AFF2: variants seen among roughly 807,000 people sequenced by gnomAD.
AFF2 encodes AF4/FMR2 family member 2.
AFF2 carries 14 observed loss-of-function variants against 76.9 expected under a neutral mutation model. The ratio of observed to expected loss-of-function variants is 0.18; its 90% CI spans 0.12 to 0.28. The LOEUF is 0.28. Ranked by LOEUF, AFF2 falls within the 10% of genes least tolerant of loss-of-function variation. The probability of loss-of-function intolerance (pLI) is 1.00; values close to 1 mark genes in which losing one functional copy is unlikely to be tolerated. For synonymous variants in AFF2, 398 were observed against 366.7 expected (o/e 1.09, Z -0.98); for missense variants, 868 against 1,001.1 (o/e 0.87, Z 1.79).
At chrX:148,847,009 T>G (rs2017019) in intron 7 of AFF2, among the ~76,000 whole-genome samples, 1,275 of 111,417 alleles carry the variant, frequency 0.011, 15 homozygotes, top group African/African-American at 0.04. Context: ...CACGCCATTC[T>G]CCTGCCTCAG....
At chrX:148,893,516 A>G (rs1298724729) in intron 8 of AFF2, among the ~76,000 whole-genome samples, 1 of 112,328 alleles carries the variant, frequency 8.9e-6, no homozygotes, top group East Asian at 2.8e-4. Context: ...TAATGACCAA[A>G]TACTGGCTAG....
At chrX:148,826,966 G>A (rs186749137) in intron 4 of AFF2, among the ~76,000 whole-genome samples, 7 of 110,965 alleles carry the variant, frequency 6.3e-5, no homozygotes, top group Admixed American at 5.8e-4. Flanking sequence ...CTGTGGATGG[G>A]GGGCGGGAGA....
intron 1 of AFF2, among the ~76,000 whole-genome samples, chrX:148,584,374 AG>A (rs1266458202): frequency 9.0e-6 from 1 of 111,476 alleles, no homozygotes; most frequent in Non-Finnish European, 1.9e-5. Flanking sequence ...AAATGGTGGC[AG>A]AGTATGTCCA....
chrX:148,732,488 G>A (rs1557264751), intron 3 of AFF2, among the ~76,000 whole-genome samples: 2 of 91,472 alleles, frequency 2.2e-5, no homozygotes, highest in African/African-American at 8.3e-5. Context: ...TGACGAGTTA[G>A]TGGGTGCAGC....
chrX:148,804,351 C>T lies in AFF2; in HGVS notation c.1042-5525C>T, dbSNP rs12013129. On this transcript the variant is annotated intron_variant, in intron 3 of 20. Transcript: ENST00000370460. ...CTCAAAGACCAGGCTCTTTCCACTG[C>T]CCCTTGGAGCCCCCAGAAAACACAG... Among the ~76,000 whole-genome samples the T allele has an allele frequency of 6.7e-4, 75 of 112,022 alleles. 1 individual carries two copies. Among genetic ancestry groups the T allele is most frequent in the African/African-American group, 2.3e-3 (72 of 30,858 alleles).
At chrX:148,796,675 G>A (rs2069987231) in intron 3 of AFF2, among the ~76,000 whole-genome samples, 1 of 112,441 alleles carries the variant, frequency 8.9e-6, no homozygotes, top group Non-Finnish European at 1.9e-5. Context: ...TGGCCTGACA[G>A]TTGAAAAGGT....
intron 19 of AFF2, among the ~76,000 whole-genome samples, chrX:148,982,956 A>G (rs912381154): frequency 3.6e-5 from 4 of 112,636 alleles, no homozygotes; most frequent in Non-Finnish European, 7.5e-5. Flanking sequence ...TAACAATTAC[A>G]TATAATTTTT....
At chrX:148,810,825 T>C (rs906683264) in intron 4 of AFF2, among the ~76,000 whole-genome samples, 4 of 111,604 alleles carry the variant, frequency 3.6e-5, no homozygotes, top group African/African-American at 1.3e-4. Context: ...GAAAATAATC[T>C]ATGTGCCAGT....
At chrX:148,956,688 A>C in intron 11 of AFF2, 75 bp downstream of exon 11, 1 of 1,013,246 alleles carries the variant, frequency 9.9e-7, no homozygotes, top group Non-Finnish European at 1.3e-6. Flanking sequence ...CTTGAGCCTC[A>C]TCTTCAAGGA....
At position 148,652,015 on chromosome X, in the gene AFF2, C is replaced by T. The variant is rs372514798; in HGVS notation, c.64C>T (p.Arg22Cys). 1.1e-5 allele frequency: 13 copies of T among 1,198,868 alleles called. No homozygotes were observed. Among genetic ancestry groups the T allele is most frequent in the Admixed American group, 6.7e-5 (3 of 45,048 alleles). Residue 22 changes from arginine (R) to cysteine (C), a missense_variant, in exon 2 of 21, where the codon CGT (arginine) becomes TGT (cysteine). Physicochemically the swap from Arg to Cys is radical, Grantham distance 180. This residue lies in a region of AFF2 where 196 missense variants were observed against 194.8 expected (regional missense o/e 1.01). Transcript: ENST00000370460. ...LEQQCHYEQD[R>C]SALKKREWER... is the part of the protein sequence containing the mutation. ...TCATATCAGTCACTATGAACAAGAC[C>T]GTAGTGCACTTAAAAAAAGGGAATG...
intron 3 of AFF2, among the ~76,000 whole-genome samples, chrX:148,740,794 C>A (rs2055341396): frequency 8.9e-6 from 1 of 111,948 alleles, no homozygotes; most frequent in Non-Finnish European, 1.9e-5. Context: ...GAGGGAAGGT[C>A]TAAGGGCTGA....
Position 148,956,548 on chromosome X carries a change from C to T in AFF2, c.2503C>T (p.Pro835Ser). 1 of 1,211,997 alleles carries T rather than the reference C, an allele frequency of 8.3e-7. No individual in the cohort carries two copies. Among genetic ancestry groups the T allele is most frequent in the Non-Finnish European group, 1.1e-6 (1 of 895,539 alleles). ...KPDHKETATK[P>S]KRQTAVTAVE... Reference sequence around the variant, plus strand: ...AGACCACAAGGAGACTGCCACAAAACCCAAGCGTCAGACAGCTGTCACAGC... The same window carrying T: ...AGACCACAAGGAGACTGCCACAAAATCCAAGCGTCAGACAGCTGTCACAGC... Residue 835 changes from proline (P) to serine (S), a missense_variant, in exon 11 of 21, where the codon CCC (proline) becomes TCC (serine). By Grantham distance (74) the Pro-to-Ser change is moderately conservative. This residue lies in a region of AFF2 where 532 missense variants were observed against 564.2 expected (regional missense o/e 0.94). Coordinates refer to ENST00000370460, the MANE Select transcript of AFF2 (RefSeq NM_002025.4).
intron 9 of AFF2, among the ~76,000 whole-genome samples, chrX:148,929,486 G>A (rs964046186): frequency 8.9e-6 from 1 of 112,466 alleles, no homozygotes; most frequent in Non-Finnish European, 1.9e-5. Context: ...TGAGGCAAGA[G>A]TCCTAGTATT....
chrX:148,622,249 G>C lies in AFF2; in HGVS notation c.48-29750G>C, dbSNP rs2053876570. ...AGAAAAAGAGAACCAGTAGGAGACA[G>C]TGTAGTGTAGGTAAATAGAGGGAGA... On this transcript the variant is annotated intron_variant, in intron 1 of 20. Coordinates refer to ENST00000370460, the MANE Select transcript of AFF2 (RefSeq NM_002025.4). Among the ~76,000 whole-genome samples the C allele has an allele frequency of 2.7e-5, 3 of 112,099 alleles. No homozygotes were observed. The South Asian group carries it at 1.1e-3, about 41-fold the overall frequency.
chrX:148,549,261 A>T (rs1232350590), intron 1 of AFF2, among the ~76,000 whole-genome samples: 1 of 112,516 alleles, frequency 8.9e-6, no homozygotes, highest in East Asian at 2.8e-4. Flanking sequence ...ATTGGGTAGA[A>T]AGCAAATTCT....
chrX:148,531,795 A>G (rs1450381957), intron 1 of AFF2, among the ~76,000 whole-genome samples: 3 of 112,484 alleles, frequency 2.7e-5, no homozygotes, highest in South Asian at 3.7e-4. Context: ...TAACAGCTAC[A>G]CAAGTCAGCT....
rs781913282 is a variant in AFF2 at position 148,648,144 on chromosome X, C to T, written c.48-3855C>T. On this transcript the variant is annotated intron_variant, in intron 1 of 20. Coordinates refer to ENST00000370460, the MANE Select transcript of AFF2 (RefSeq NM_002025.4). ...TCTTCCTTTGCCACTAGCTTGATGACGGCTTGAGACAGCTCCCTCTGTTCA... is the reference window on the plus strand; with the variant it reads ...TCTTCCTTTGCCACTAGCTTGATGATGGCTTGAGACAGCTCCCTCTGTTCA... 6.2e-5 allele frequency among the ~76,000 whole-genome samples: 7 copies of T among 112,084 alleles called. No individual in the cohort carries two copies. In the East Asian group the frequency reaches 1.1e-3, roughly 18 times the overall value.
At chrX:148,533,449 A>G (rs2052751642) in intron 1 of AFF2, among the ~76,000 whole-genome samples, 1 of 109,716 alleles carries the variant, frequency 9.1e-6, no homozygotes, top group African/African-American at 3.3e-5. Flanking sequence ...CCCACCACCA[A>G]GCCCGGCTAA....
intron 3 of AFF2, among the ~76,000 whole-genome samples, chrX:148,772,945 G>GT (rs1471475050): frequency 1.8e-5 from 2 of 110,984 alleles, no homozygotes; most frequent in Non-Finnish European, 1.9e-5. Flanking sequence ...ACCAGGACCT[G>GT]TTGGGAGAGG....
Sources: gnomAD v4.1 joint callset for allele counts (sites outside exome capture counted in the v4.1 genomes callset) on GRCh38, gnomAD v4.1.1 for gene constraint, gnomAD v4.1.1 regional missense constraint, MANE v1.5 for transcripts, NCBI Gene and HGNC (gene_info 2026-07-23, HGNC 2026-07-21) for gene names.